GRIP1: variants seen among roughly 807,000 people sequenced by gnomAD.
GRIP1 encodes the protein glutamate receptor-interacting protein 1.
GRIP1 carries 45 observed loss-of-function variants against 129.9 expected under a neutral mutation model. That is an observed-to-expected ratio of 0.35 (90% CI 0.27 to 0.44). The LOEUF (loss-of-function observed/expected upper bound fraction) is 0.44, where lower values mean the gene tolerates loss of function less well. Among genes scored for constraint, GRIP1 ranks in the 20% least tolerant of loss-of-function variants. The probability of loss-of-function intolerance (pLI) is 1.00; values close to 1 mark genes in which losing one functional copy is unlikely to be tolerated. For missense variants in GRIP1, 1,196 were observed against 1,396.8 expected, an observed-to-expected ratio of 0.86 and a Z score of 2.29; for synonymous variants, 530 against 520.8, an observed-to-expected ratio of 1.02 and a Z score of -0.24.
At chr12:66,890,252 G>A (rs554591854) in intron 1 of GRIP1, among the ~76,000 whole-genome samples, 13 of 152,250 alleles carry the variant, frequency 8.5e-5, no homozygotes, top group South Asian at 8.3e-4. Flanking sequence ...TAAAATGCTC[G>A]TGAACATAGC....
chr12:66,368,807 C>T (rs151096372), intron 23 of GRIP1, among the ~76,000 whole-genome samples: 1 of 152,210 alleles, frequency 6.6e-6, no homozygotes, highest in Non-Finnish European at 1.5e-5. Flanking sequence ...ATTCAACACA[C>T]ACACAATTAC....
At chr12:66,538,928 T>C (rs2061687251) in intron 4 of GRIP1, 150 bp downstream of exon 4, 1 of 696,944 alleles carries the variant, frequency 1.4e-6, no homozygotes, top group Non-Finnish European at 2.5e-6. Flanking sequence ...TGTCTTACTG[T>C]GCCAAATTTA....
At chr12:66,850,190 G>T (rs1156306065) in intron 1 of GRIP1, among the ~76,000 whole-genome samples, 1 of 152,074 alleles carries the variant, frequency 6.6e-6, no homozygotes, top group Non-Finnish European at 1.5e-5. Context: ...TTTAGAAAAC[G>T]ATTTTAAGGG....
intron 16 of GRIP1, among the ~76,000 whole-genome samples, chr12:66,399,637 G>C (rs1565700369): frequency 6.6e-6 from 1 of 151,976 alleles, no homozygotes; most frequent in Non-Finnish European, 1.5e-5. Flanking sequence ...GCACGGAACA[G>C]ATGCAAAATT....
intron 1 of GRIP1, among the ~76,000 whole-genome samples, chr12:66,881,630 A>G (rs1292083448): frequency 6.6e-6 from 1 of 152,090 alleles, no homozygotes; most frequent in African/African-American, 2.4e-5. Flanking sequence ...AATGAAACTC[A>G]CAGACATTAT....
intron 7 of GRIP1, among the ~76,000 whole-genome samples, chr12:66,491,314 G>A (rs1175667602): frequency 1.3e-5 from 2 of 152,138 alleles, no homozygotes; most frequent in African/African-American, 2.4e-5. Context: ...TCTTTGCAGG[G>A]ACATGGTTGG....
At chr12:66,609,606 A>G (rs1205010685) in intron 1 of GRIP1, among the ~76,000 whole-genome samples, 1 of 152,142 alleles carries the variant, frequency 6.6e-6, no homozygotes, top group African/African-American at 2.4e-5. Context: ...TGCTTGTCTA[A>G]CTCTCCTTGG....
intron 1 of GRIP1, among the ~76,000 whole-genome samples, chr12:66,672,996 T>C (rs1814310798): frequency 6.6e-6 from 1 of 152,176 alleles, no homozygotes; most frequent in Non-Finnish European, 1.5e-5. Context: ...CTAAGTCTAT[T>C]CTATTTCCCC....
chr12:67,030,230 A>AATC (rs2043003171), intron 1 of GRIP1, among the ~76,000 whole-genome samples: 1 of 150,268 alleles, frequency 6.7e-6, no homozygotes, highest in African/African-American at 2.4e-5. Context: ...TAATAATAAT[A>AATC]ATAATAATAT....
intron 7 of GRIP1, among the ~76,000 whole-genome samples, chr12:66,468,813 A>G (rs191771604): frequency 6.6e-6 from 1 of 152,264 alleles, no homozygotes; most frequent in African/African-American, 2.4e-5. Flanking sequence ...TAGGAGTATT[A>G]AGAAGCTTAG....
intron 1 of GRIP1, among the ~76,000 whole-genome samples, chr12:66,868,831 C>G (rs141392602): frequency 1.4e-3 from 209 of 152,224 alleles, no homozygotes; most frequent in African/African-American, 4.7e-3. Flanking sequence ...TTGGAATACA[C>G]TTGAGAGTCT....
chr12:66,456,031 T>A (rs1004743350), intron 10 of GRIP1, among the ~76,000 whole-genome samples, 156 bp downstream of exon 10: 1 of 151,912 alleles, frequency 6.6e-6, no homozygotes, highest in Non-Finnish European at 1.5e-5. Context: ...TGCTTTCTGA[T>A]GGAAAAGAAA....
chr12:66,476,740 C>T (rs765358833), intron 7 of GRIP1, among the ~76,000 whole-genome samples: 14 of 152,088 alleles, frequency 9.2e-5, no homozygotes, highest in South Asian at 6.2e-4. Flanking sequence ...AATCAATAAA[C>T]GTAATCCAGC....
chr12:66,839,609 GAAGA>G (rs2039678426), intron 1 of GRIP1, among the ~76,000 whole-genome samples: 1 of 152,108 alleles, frequency 6.6e-6, no homozygotes, highest in Admixed American at 6.5e-5. Context: ...GAAAAACAAT[GAAGA>G]AAGATATCCC....
At chr12:67,014,012 A>G (rs962557000) in intron 1 of GRIP1, among the ~76,000 whole-genome samples, 14 of 152,220 alleles carry the variant, frequency 9.2e-5, no homozygotes, top group African/African-American at 2.9e-4. Context: ...GGCTGGCAAG[A>G]TGTAAAACTT....
intron 1 of GRIP1, among the ~76,000 whole-genome samples, chr12:66,639,374 T>C (rs1029911769): frequency 1.2e-4 from 18 of 151,996 alleles, no homozygotes; most frequent in African/African-American, 3.1e-4. Context: ...GATGTGTGCA[T>C]TGGGGGAGGG....
Position 66,903,349 on chromosome 12 carries a change from C to T in GRIP1, c.58+165701G>A, listed in dbSNP as rs750237878. ...TCTGTGTATGGCAATACTTCAAGAG[C>T]GCTTTTTTCCTCCCATTAAATGTTT... On this transcript the variant is annotated intron_variant, in intron 1 of 1. Transcript: ENST00000643019. Among the ~76,000 whole-genome samples the T allele has an allele frequency of 6.9e-4, 103 of 149,030 alleles. 1 individual carries two copies. The highest frequency in any genetic ancestry group is 2.8e-4 in the Non-Finnish European group (19 of 67,522).
intron 1 of GRIP1, among the ~76,000 whole-genome samples, chr12:66,934,089 C>T (rs1592362612): frequency 6.6e-6 from 1 of 152,124 alleles, no homozygotes; most frequent in Admixed American, 6.5e-5. Context: ...TTCTTGATCT[C>T]CTTTTTGAAA....
At chr12:66,555,186 C>T (rs1315484971) in intron 2 of GRIP1, among the ~76,000 whole-genome samples, 1 of 152,172 alleles carries the variant, frequency 6.6e-6, no homozygotes, top group Non-Finnish European at 1.5e-5. Context: ...TCCCCATCTC[C>T]AGGTGGCTCA....
Sources: allele counts gnomAD v4.1 joint callset (sites outside exome capture counted in the v4.1 genomes callset), GRCh38; gene constraint gnomAD v4.1.1; transcripts MANE v1.5; gene names NCBI Gene and HGNC (gene_info 2026-07-23, HGNC 2026-07-21).